ZNF469: variants seen among roughly 807,000 people sequenced by gnomAD.
The protein encoded by ZNF469 is zinc finger protein 469.
A neutral mutation model predicts 1.0 loss-of-function variants in ZNF469; 1 was observed. The observed-to-expected ratio is 1.00, with a 90% CI of 0.35 to 4.73. ZNF469 has a LOEUF of 4.73. Among genes scored for constraint, ZNF469 ranks in the 30% most tolerant of loss-of-function variants. The pLI is 0.16. For synonymous variants in ZNF469, 2,703 were observed against 2,363.4 expected (o/e 1.14, Z -4.17); for missense variants, 6,100 against 5,356.3 (o/e 1.14, Z -4.33).
the ZNF469 span, among the ~76,000 whole-genome samples, chr16:88,245,990 G>A: frequency 6.6e-6 from 1 of 152,398 alleles, no homozygotes; most frequent in South Asian, 2.1e-4. Context: ...AACAAAAGCA[G>A]AGAGGACGCA....
chr16:88,306,657 G>A, the ZNF469 span, among the ~76,000 whole-genome samples: 3 of 152,156 alleles, frequency 2.0e-5, no homozygotes, highest in African/African-American at 7.2e-5. Context: ...CTGTTGGAAC[G>A]TAGCTCAGAC....
At chr16:88,317,082 C>T in the ZNF469 span, among the ~76,000 whole-genome samples, 1 of 152,190 alleles carries the variant, frequency 6.6e-6, no homozygotes, top group South Asian at 2.1e-4. Flanking sequence ...GGCCGGCCGG[C>T]CAGAGGCTTG....
Position 88,434,191 on chromosome 16 carries a change from A to G in ZNF469, c.6721A>G (p.Ser2241Gly), listed in dbSNP as rs1906402205. The G allele has an allele frequency of 1.3e-6, 2 of 1,550,272 alleles. No individual in the cohort carries two copies. Among genetic ancestry groups the G allele is most frequent in the African/African-American group, 1.4e-5 (1 of 73,056 alleles). The change falls in exon 3 of 3, where the codon AGT becomes GGT. Residue 2241 changes from serine (S) to glycine (G), a missense_variant. Transcript: ENST00000565624. ...GSVSAVTCTHSGDTPKDSTLR... is the reference protein window; with the variant it reads ...GSVSAVTCTHGGDTPKDSTLR... ...CGTCAGTGCTGTAACCTGCACTCACAGTGGGGACACCCCCAAAGACAGCAC... is the reference window on the plus strand; with the variant it reads ...CGTCAGTGCTGTAACCTGCACTCACGGTGGGGACACCCCCAAAGACAGCAC...
the ZNF469 span, among the ~76,000 whole-genome samples, chr16:88,130,725 A>AG: frequency 7.4e-5 from 11 of 148,038 alleles, no homozygotes; most frequent in South Asian, 1.7e-3. Context: ...AAAAAAAAAA[A>AG]AAGAGGCACC....
the ZNF469 span, among the ~76,000 whole-genome samples, chr16:88,158,741 C>T: frequency 2.0e-5 from 3 of 152,200 alleles, no homozygotes; most frequent in South Asian, 4.1e-4. Context: ...CTGTGGACAG[C>T]AGCTCCTGCC....
At chr16:88,152,423 G>A in the ZNF469 span, among the ~76,000 whole-genome samples, 1 of 152,156 alleles carries the variant, frequency 6.6e-6, no homozygotes, top group Non-Finnish European at 1.5e-5. This position sits in a 1 kb window ranked among gnomAD's most constrained non-coding sequence, Gnocchi z 4.2. Context: ...GGTGCTGGCC[G>A]AGGCTGGGGC....
chr16:88,200,988 G>A, the ZNF469 span, among the ~76,000 whole-genome samples: 6 of 152,204 alleles, frequency 3.9e-5, no homozygotes, highest in African/African-American at 7.2e-5. Flanking sequence ...CGAGAGGGCC[G>A]GGCCAGCTGA....
the ZNF469 span, among the ~76,000 whole-genome samples, chr16:88,310,036 G>A: frequency 6.6e-6 from 1 of 152,194 alleles, no homozygotes; most frequent in East Asian, 1.9e-4. Flanking sequence ...TAACAGGTGT[G>A]CAATTCCTGT....
At chr16:88,232,850 G>C in the ZNF469 span, among the ~76,000 whole-genome samples, 1 of 152,262 alleles carries the variant, frequency 6.6e-6, no homozygotes, top group African/African-American at 2.4e-5. Flanking sequence ...CTGCTCCTCA[G>C]GGTTCTGGGC....
the ZNF469 span, among the ~76,000 whole-genome samples, chr16:88,215,610 G>A: frequency 4.6e-5 from 7 of 151,556 alleles, no homozygotes; most frequent in Admixed American, 6.6e-5. Context: ...GTCTGGTCTC[G>A]AACTCCTGAC....
At chr16:88,197,622 C>T in the ZNF469 span, among the ~76,000 whole-genome samples, 2 of 152,228 alleles carry the variant, frequency 1.3e-5, no homozygotes, top group Non-Finnish European at 2.9e-5. Context: ...CAACACTTAC[C>T]CTCCCCATGG....
chr16:88,414,463 G>C (rs1204085833), intron 1 of ZNF469, among the ~76,000 whole-genome samples: 1 of 152,266 alleles, frequency 6.6e-6, no homozygotes, highest in Admixed American at 6.5e-5. Flanking sequence ...GAGGCCCAGG[G>C]ATGCTGTGGC....
intron 2 of ZNF469, among the ~76,000 whole-genome samples, chr16:88,426,259 C>G (rs187238481): frequency 3.3e-5 from 5 of 152,374 alleles, no homozygotes; most frequent in African/African-American, 1.2e-4. Flanking sequence ...TCATCCGCCT[C>G]TCTGGGCCTG....
chr16:88,181,015 C>A, the ZNF469 span, among the ~76,000 whole-genome samples: 1 of 151,948 alleles, frequency 6.6e-6, no homozygotes, highest in African/African-American at 2.4e-5. Context: ...ACAATATCAT[C>A]CAAATTGATT....
chr16:88,182,950 G>C, the ZNF469 span, among the ~76,000 whole-genome samples: 1 of 152,132 alleles, frequency 6.6e-6, no homozygotes, highest in African/African-American at 2.4e-5. Context: ...AAAATGAAGA[G>C]ACAAACCACA....
chr16:88,352,445 G>A, the ZNF469 span, among the ~76,000 whole-genome samples: 2 of 152,292 alleles, frequency 1.3e-5, no homozygotes, highest in East Asian at 3.9e-4. Context: ...CAGAGGGAGG[G>A]GTTGCCTGTG....
At chr16:88,244,791 A>G in the ZNF469 span, among the ~76,000 whole-genome samples, 2 of 142,946 alleles carry the variant, frequency 1.4e-5, no homozygotes, top group Non-Finnish European at 3.0e-5. Context: ...CAGTCACCTA[A>G]GTTTGACAAC....
At chr16:88,286,847 C>T in the ZNF469 span, among the ~76,000 whole-genome samples, 1 of 152,216 alleles carries the variant, frequency 6.6e-6, no homozygotes, top group African/African-American at 2.4e-5. Context: ...CCATCCAGGT[C>T]ACATGAGTCC....
At chr16:88,177,294 CA>C in the ZNF469 span, 2 of 152,124 alleles carry the variant, frequency 1.3e-5, no homozygotes, top group Non-Finnish European at 2.9e-5. The surrounding 1 kb of genome is among the most constrained non-coding windows in gnomAD (Gnocchi z 4.8). Flanking sequence ...TTGAATTAGG[CA>C]CAGCAAATTC....
Sources: gnomAD v4.1 joint callset for allele counts (sites outside exome capture counted in the v4.1 genomes callset) on GRCh38, gnomAD v4.1.1 for gene constraint, Gnocchi (gnomAD v3.1) non-coding constraint, MANE v1.5 for transcripts, NCBI Gene and HGNC (gene_info 2026-07-23, HGNC 2026-07-21) for gene names.